The following HS6ST3 variants were observed in gnomAD, a reference collection of about 807,000 sequenced individuals.
HS6ST3 encodes heparan sulfate 6-O-sulfotransferase 3.
In HS6ST3, 12 loss-of-function variants were observed where a neutral mutation model predicts 36.7. The ratio of observed to expected loss-of-function variants is 0.33; its 90% CI spans 0.21 to 0.53. HS6ST3 has a LOEUF of 0.53. Ranked by LOEUF, HS6ST3 falls within the 20% of genes least tolerant of loss-of-function variation. The pLI is 0.95. For missense variants in HS6ST3, 584 were observed against 640.9 expected (o/e 0.91, Z 0.96); for synonymous variants, 240 against 257.5 (o/e 0.93, Z 0.65).
intron 1 of HS6ST3, among the ~76,000 whole-genome samples, chr13:96,383,596 C>A (rs973158540): frequency 4.6e-5 from 7 of 152,182 alleles, no homozygotes; most frequent in African/African-American, 1.7e-4. Context: ...GTTTCTAGGT[C>A]AGTCACCAAC....
intron 1 of HS6ST3, among the ~76,000 whole-genome samples, chr13:96,769,408 C>T (rs1479559009): frequency 6.6e-6 from 1 of 150,580 alleles, no homozygotes; most frequent in African/African-American, 2.4e-5. Flanking sequence ...AACTCGTCAT[C>T]TAGCATTAGG....
chr13:96,103,183 G>A (rs1339555651), intron 1 of HS6ST3, among the ~76,000 whole-genome samples: 2 of 152,118 alleles, frequency 1.3e-5, no homozygotes, highest in South Asian at 2.1e-4. Flanking sequence ...GAAAATCTGA[G>A]ACCTTTTTAA....
chr13:96,317,507 A>G (rs1199006396), intron 1 of HS6ST3, among the ~76,000 whole-genome samples: 1 of 150,972 alleles, frequency 6.6e-6, no homozygotes, highest in East Asian at 1.9e-4. Context: ...TATTGTGAAC[A>G]GCATGGCAAT....
At chr13:96,351,714 G>A (rs2055185164) in intron 1 of HS6ST3, among the ~76,000 whole-genome samples, 3 of 152,036 alleles carry the variant, frequency 2.0e-5, no homozygotes, top group African/African-American at 4.8e-5. Flanking sequence ...ATTTTTAGAG[G>A]TAATATTTAC....
chr13:96,262,826 GT>G (rs1278070485), intron 1 of HS6ST3, among the ~76,000 whole-genome samples: 2 of 151,870 alleles, frequency 1.3e-5, no homozygotes, highest in South Asian at 2.1e-4. Context: ...AGTATAGAAA[GT>G]TTTTTTTATT....
intron 1 of HS6ST3, among the ~76,000 whole-genome samples, chr13:96,109,425 A>T (rs1445162980): frequency 6.6e-6 from 1 of 152,200 alleles, no homozygotes; most frequent in Non-Finnish European, 1.5e-5. Flanking sequence ...TTTTGATGAG[A>T]TGGGCTGGAA....
intron 1 of HS6ST3, among the ~76,000 whole-genome samples, chr13:96,159,171 G>A (rs2054124703): frequency 6.6e-6 from 1 of 152,120 alleles, no homozygotes; most frequent in South Asian, 2.1e-4. Context: ...GCAGGAATGG[G>A]AGGGCAAGTT....
intron 1 of HS6ST3, among the ~76,000 whole-genome samples, chr13:96,415,233 T>C (rs894161691): frequency 6.6e-6 from 1 of 152,094 alleles, no homozygotes; most frequent in Non-Finnish European, 1.5e-5. Flanking sequence ...CATGATGTTC[T>C]GTACAGAGGG....
rs750904009 is a variant in HS6ST3, at chr13:96,091,155, C to T, written c.293C>T (p.Pro98Leu). The T allele has an allele frequency of 1.9e-5, 30 of 1,539,064 alleles. No individual in the cohort carries two copies. The South Asian group carries it at 3.6e-4, about 19-fold the overall frequency. ...GAGGAGGACGAGGAGCCCGGAGACCCCCGGGAGGGGGAGGAAGAGGAGGAG... is the reference window on the plus strand; with the variant it reads ...GAGGAGGACGAGGAGCCCGGAGACCTCCGGGAGGGGGAGGAAGAGGAGGAG... ...PEEEDEEPGD[P>L]REGEEEEEED... Residue 98 changes from proline to leucine, a missense_variant, in exon 1 of 2, where the codon CCC becomes CTC. Pro to Leu is a moderately conservative substitution (Grantham distance 98, BLOSUM62 -3). Transcript: ENST00000376705.
chr13:96,542,952 G>A (rs1391600766), intron 1 of HS6ST3, among the ~76,000 whole-genome samples: 4 of 152,224 alleles, frequency 2.6e-5, no homozygotes, highest in South Asian at 4.1e-4. Context: ...GTTCCTGCTC[G>A]AAAGGAGATT....
In HS6ST3 at chr13:96,754,148, G is replaced by A. The variant is rs567960554; in HGVS notation, c.708-78342G>A. ...TGTTTTTTTGATCCAAGTTTTTGGA[G>A]CATTCCTTTACTGAACTCAAAACAT... On this transcript the variant is annotated intron_variant, in intron 1 of 1. Coordinates refer to ENST00000376705, the MANE Select transcript of HS6ST3 (RefSeq NM_153456.4). Among the ~76,000 whole-genome samples the A allele has an allele frequency of 2.0e-5, 3 of 152,258 alleles. No individual in the cohort carries two copies. The South Asian group carries it at 6.2e-4, about 32-fold the overall frequency.
chr13:96,101,704 A>G (rs984477486), intron 1 of HS6ST3, among the ~76,000 whole-genome samples: 4 of 152,142 alleles, frequency 2.6e-5, no homozygotes, highest in Non-Finnish European at 5.9e-5. Context: ...ATCTATTGAC[A>G]TTGGTACATA....
At chr13:96,362,561 C>T (rs2055243674) in intron 1 of HS6ST3, among the ~76,000 whole-genome samples, 1 of 152,156 alleles carries the variant, frequency 6.6e-6, no homozygotes, top group African/African-American at 2.4e-5. Flanking sequence ...TCTATCATCC[C>T]TCGTGCCTTG....
Position 96,090,969 on chromosome 13 carries a change from A to G in HS6ST3, c.107A>G (p.Asn36Ser), listed in dbSNP as rs969304179. The G allele has an allele frequency of 3.5e-6, 5 of 1,409,734 alleles. No individual in the cohort carries two copies. In the African/African-American group the frequency reaches 5.9e-5, roughly 17 times the overall value. 87.3% of individuals were successfully genotyped at this position (1,409,734 alleles called of 1,614,324 possible). A position where few individuals can be genotyped will look rare whatever the true frequency, so the allele number is the denominator to read the frequency against. ...VSPSCTSSCT[N>S]FGEQPRAGEA... ...CCCTCCTGCACCAGCTCCTGCACCA[A>G]CTTCGGGGAGCAGCCCCGCGCGGGG... Residue 36 changes from asparagine (N) to serine (S), a missense_variant, in exon 1 of 2, where the codon AAC becomes AGC. Physicochemically the swap from Asn to Ser is conservative, Grantham distance 46. Around this residue, in one of 3 missense-constraint regions of HS6ST3, gnomAD observed 217 missense variants for 205.4 expected, o/e 1.06. Transcript: ENST00000376705.
intron 1 of HS6ST3, among the ~76,000 whole-genome samples, chr13:96,221,005 A>C (rs927046745): frequency 5.3e-5 from 8 of 152,206 alleles, no homozygotes; most frequent in Non-Finnish European, 8.8e-5. Flanking sequence ...CTTAAATATT[A>C]TTATACATTT....
At chr13:96,587,225 A>T (rs2056365040) in intron 1 of HS6ST3, among the ~76,000 whole-genome samples, 1 of 151,894 alleles carries the variant, frequency 6.6e-6, no homozygotes. Context: ...AGGTATTAAG[A>T]TGCCTCCAGC....
intron 1 of HS6ST3, among the ~76,000 whole-genome samples, chr13:96,140,822 GA>G (rs1286443968): frequency 6.6e-6 from 1 of 152,118 alleles, no homozygotes; most frequent in African/African-American, 2.4e-5. Context: ...ATTGATTGAA[GA>G]AAAATTGAGA....
chr13:96,102,487 A>AAAAAAT (rs1163444336), intron 1 of HS6ST3, among the ~76,000 whole-genome samples: 6 of 152,278 alleles, frequency 3.9e-5, no homozygotes, highest in East Asian at 1.9e-4. Flanking sequence ...GTCTCAAAAC[A>AAAAAAT]AAAAATAAAA....
At chr13:96,740,720 G>T (rs908140665) in intron 1 of HS6ST3, among the ~76,000 whole-genome samples, 2 of 152,140 alleles carry the variant, frequency 1.3e-5, no homozygotes, top group African/African-American at 4.8e-5. Context: ...CTTTTTAAGA[G>T]AATTCATGAA....
Sources: allele counts gnomAD v4.1 joint callset (sites outside exome capture counted in the v4.1 genomes callset), GRCh38; gene constraint gnomAD v4.1.1; regional missense constraint gnomAD v4.1.1; transcripts MANE v1.5; gene names NCBI Gene and HGNC (gene_info 2026-07-23, HGNC 2026-07-21).